Variants in NAALADL2 observed in about 807,000 individuals in gnomAD.
NAALADL2 encodes the protein inactive N-acetylated-alpha-linked acidic dipeptidase-like protein 2.
NAALADL2 carries 76 observed loss-of-function variants against 87.2 expected under a neutral mutation model. The observed-to-expected ratio is 0.87, with a 90% CI of 0.72 to 1.05. The LOEUF (loss-of-function observed/expected upper bound fraction) is 1.05. Ranked by LOEUF, NAALADL2 falls within the 50% of genes least tolerant of loss-of-function variation. The pLI is 0.00. For missense variants in NAALADL2, 1,089 were observed against 945.8 expected (o/e 1.15, Z -1.99); for synonymous variants, 354 against 331.0 (o/e 1.07, Z -0.75).
In NAALADL2 at chr3:175,808,981, A is replaced by G. The variant is rs2108387795; in HGVS notation, c.*5778A>G. On this transcript the variant is annotated 3_prime_UTR_variant, in exon 14 of 14. Coordinates refer to ENST00000454872, the MANE Select transcript of NAALADL2 (RefSeq NM_207015.3). The stretch of plus-strand genomic sequence containing the variant: ...GCCTTTATTCAATATGTTACCACTC[A>G]TATGGTCATTACTTGGTAAGTGTTT... 6.6e-6 allele frequency: 1 copy of G among 152,110 alleles called. No individual in the cohort carries two copies. Among genetic ancestry groups the G allele is most frequent in the East Asian group, 1.9e-4 (1 of 5,166 alleles). 9.4% of individuals were successfully genotyped at this position (152,110 alleles called of 1,614,324 possible).
At chr3:174,814,198 C>T (rs1720533267) in intron 3 of NAALADL2, among the ~76,000 whole-genome samples, 1 of 151,854 alleles carries the variant, frequency 6.6e-6, no homozygotes, top group South Asian at 2.1e-4. Flanking sequence ...AAGCTCCACC[C>T]CCCGGGTTCA....
intron 1 of NAALADL2, among the ~76,000 whole-genome samples, chr3:174,971,665 CTGTG>C (rs10662918): frequency 1.4e-3 from 197 of 144,678 alleles, no homozygotes; most frequent in Middle Eastern, 3.5e-3. Flanking sequence ...GTATGCTAGA[CTGTG>C]TGTGTGTGTG....
intron 1 of NAALADL2, among the ~76,000 whole-genome samples, chr3:175,028,715 CA>C (rs982451103): frequency 1.3e-4 from 20 of 151,610 alleles, no homozygotes; most frequent in Admixed American, 9.2e-4. Flanking sequence ...GCTAAATTAT[CA>C]AAAAAAGATA....
chr3:175,534,899 G>GT (rs1483806494), intron 9 of NAALADL2, among the ~76,000 whole-genome samples: 3 of 148,138 alleles, frequency 2.0e-5, no homozygotes, highest in Non-Finnish European at 4.5e-5. Context: ...TGTTCACACT[G>GT]TTTAAAAAAA....
intron 1 of NAALADL2, among the ~76,000 whole-genome samples, chr3:174,949,921 C>G (rs1218437000): frequency 6.6e-6 from 1 of 152,134 alleles, no homozygotes; most frequent in Non-Finnish European, 1.5e-5. Flanking sequence ...GTGCACTGGT[C>G]TTGAGCAGCA....
intron 2 of NAALADL2, among the ~76,000 whole-genome samples, chr3:174,639,381 G>T (rs976395784): frequency 1.3e-5 from 2 of 152,216 alleles, no homozygotes; most frequent in Non-Finnish European, 2.9e-5. Context: ...TATGGGAGCT[G>T]TTTGGCACCA....
At position 174,946,086 on chromosome 3, in the gene NAALADL2, A is replaced by G. The variant is rs1291348876; in HGVS notation, c.43+86636A>G. Among the ~76,000 whole-genome samples, 4 of 150,626 alleles carry G rather than the reference A, an allele frequency of 2.7e-5. No individual in the cohort carries two copies. In the East Asian group the frequency reaches 5.8e-4, roughly 22 times the overall value. On this transcript the variant is annotated intron_variant, in intron 1 of 13. Coordinates refer to ENST00000454872, the MANE Select transcript of NAALADL2 (RefSeq NM_207015.3). ...AAAAAAAAAAATTATTCAGAATGAG[A>G]CAGAAAAAATGTGACCTAATTCTGT... is the stretch of plus-strand genomic sequence containing the variant.
At chr3:175,124,400 C>T (rs573594292) in intron 2 of NAALADL2, 1 of 152,008 alleles carries the variant, frequency 6.6e-6, no homozygotes, top group East Asian at 1.9e-4. Context: ...TGGTTTTCAT[C>T]CTTACACTTT....
chr3:175,753,064 C>A (rs1409917359), intron 12 of NAALADL2, among the ~76,000 whole-genome samples: 1 of 152,082 alleles, frequency 6.6e-6, no homozygotes, highest in Admixed American at 6.6e-5. Context: ...TTAAAATACC[C>A]ATTCTTGCAA....
chr3:174,768,557 A>G (rs1470639471), intron 3 of NAALADL2, among the ~76,000 whole-genome samples: 1 of 152,192 alleles, frequency 6.6e-6, no homozygotes, highest in Non-Finnish European at 1.5e-5. Flanking sequence ...AATTACAACT[A>G]TTTACTTATT....
intron 13 of NAALADL2, among the ~76,000 whole-genome samples, chr3:175,776,823 T>C (rs895499377): frequency 6.6e-6 from 1 of 152,112 alleles, no homozygotes; most frequent in South Asian, 2.1e-4. Flanking sequence ...CTGAAGGTTA[T>C]ATTCTTTATT....
intron 11 of NAALADL2, among the ~76,000 whole-genome samples, chr3:175,628,164 C>G (rs1727258669): frequency 6.6e-6 from 1 of 151,642 alleles, no homozygotes; most frequent in Admixed American, 6.6e-5. Flanking sequence ...CCCATACAAC[C>G]ATTTGGTTCT....
At chr3:174,482,944 G>T (rs906406987) in intron 1 of NAALADL2, among the ~76,000 whole-genome samples, 1 of 152,022 alleles carries the variant, frequency 6.6e-6, no homozygotes, top group Non-Finnish European at 1.5e-5. Flanking sequence ...ATCATAAGGC[G>T]TGATCAAGAG....
At chr3:175,385,303 C>G (rs868708894) in intron 5 of NAALADL2, among the ~76,000 whole-genome samples, 10 of 152,050 alleles carry the variant, frequency 6.6e-5, no homozygotes, top group Non-Finnish European at 8.8e-5. Flanking sequence ...CTTGTCTAAT[C>G]TACCCTGAAA....
intron 2 of NAALADL2, among the ~76,000 whole-genome samples, chr3:175,198,998 C>T (rs1207811323): frequency 2.0e-5 from 3 of 152,098 alleles, no homozygotes; most frequent in Non-Finnish European, 2.9e-5. Flanking sequence ...TGCATCTGGA[C>T]ATTGTAGACT....
intron 1 of NAALADL2, among the ~76,000 whole-genome samples, chr3:174,534,731 A>T (rs148446697): frequency 1.3e-5 from 2 of 152,302 alleles, no homozygotes; most frequent in African/African-American, 4.8e-5. Context: ...TCTAATCAGG[A>T]TCGTCTTAAA....
chr3:175,133,161 G>T (rs1245648679), intron 2 of NAALADL2, among the ~76,000 whole-genome samples: 1 of 151,536 alleles, frequency 6.6e-6, no homozygotes, highest in Non-Finnish European at 1.5e-5. Flanking sequence ...TCCTAGATGG[G>T]ATGGCCGCCG....
chr3:174,520,847 A>G (rs1311318351), intron 1 of NAALADL2, among the ~76,000 whole-genome samples: 1 of 152,192 alleles, frequency 6.6e-6, no homozygotes, highest in East Asian at 1.9e-4. Context: ...CAAGGAACTC[A>G]ACAAGAAAAA....
intron 1 of NAALADL2, among the ~76,000 whole-genome samples, chr3:175,007,011 C>T (rs140670360): frequency 6.6e-6 from 1 of 151,420 alleles, no homozygotes; most frequent in South Asian, 2.1e-4. Flanking sequence ...CAAAATTAAC[C>T]TTATTCATAG....
Sources: gnomAD v4.1 joint callset for allele counts (sites outside exome capture counted in the v4.1 genomes callset) on GRCh38, gnomAD v4.1.1 for gene constraint, MANE v1.5 for transcripts, NCBI Gene and HGNC (gene_info 2026-07-23, HGNC 2026-07-21) for gene names.